The following AGMO variants were observed in gnomAD, a reference collection of about 807,000 sequenced individuals.
AGMO encodes glyceryl-ether monooxygenase.
In AGMO, 75 loss-of-function variants were observed where a neutral mutation model predicts 60.2. The observed-to-expected ratio is 1.25, with a 90% CI of 1.03 to 1.51. The LOEUF (loss-of-function observed/expected upper bound fraction) is 1.51. Among genes scored for constraint, AGMO ranks in the 40% most tolerant of loss-of-function variants. The pLI, the probability that AGMO is intolerant of heterozygous loss-of-function variation, is 0.00. For missense variants in AGMO, 763 were observed against 525.5 expected (o/e 1.45, Z -4.42); for synonymous variants, 261 against 177.1 (o/e 1.47, Z -3.76).
intron 12 of AGMO, among the ~76,000 whole-genome samples, chr7:15,248,195 T>TATATATATATATATATAC (rs1782814164): frequency 2.6e-5 from 2 of 76,694 alleles, no homozygotes; most frequent in African/African-American, 6.2e-5. Flanking sequence ...TATATATATA[T>TATATATATATATATATAC]ATATATATAT....
intron 3 of AGMO, among the ~76,000 whole-genome samples, chr7:15,488,883 A>C (rs562249867): frequency 6.7e-6 from 1 of 148,404 alleles, no homozygotes; most frequent in African/African-American, 2.4e-5. Context: ...GTTATGCTAA[A>C]ATGAACAGAA....
chr7:15,293,058 C>T (rs772741136), intron 12 of AGMO, among the ~76,000 whole-genome samples: 1 of 152,042 alleles, frequency 6.6e-6, no homozygotes, highest in Non-Finnish European at 1.5e-5. Flanking sequence ...CCACTGCATC[C>T]GGCTCTTCCT....
intron 12 of AGMO, among the ~76,000 whole-genome samples, chr7:15,283,375 A>G (rs1220561585): frequency 6.6e-6 from 1 of 152,084 alleles, no homozygotes; most frequent in Non-Finnish European, 1.5e-5. Context: ...AACTCAAGAT[A>G]AACAGCTGGA....
intron 12 of AGMO, among the ~76,000 whole-genome samples, chr7:15,334,007 GGAA>G (rs1781576019): frequency 6.6e-6 from 1 of 152,080 alleles, no homozygotes; most frequent in Non-Finnish European, 1.5e-5. Context: ...ATTCAACAAT[GGAA>G]GAAGTTTATT....
the AGMO span, among the ~76,000 whole-genome samples, chr7:15,190,074 C>CAT: frequency 6.3e-3 from 23 of 3,648 alleles, 1 homozygote; most frequent in African/African-American, 0.017. Flanking sequence ...TTTTAAGTGC[C>CAT]ATATATATAT....
chr7:15,198,253 G>GAGAGAC (rs1781184227), downstream of AGMO, among the ~76,000 whole-genome samples: 2 of 63,452 alleles, frequency 3.2e-5, no homozygotes, highest in South Asian at 1.1e-3. Flanking sequence ...GAGAGAGAGA[G>GAGAGAC]AGACAGAGAC....
the AGMO span, among the ~76,000 whole-genome samples, chr7:15,156,093 G>T: frequency 6.6e-6 from 1 of 152,160 alleles, no homozygotes; most frequent in East Asian, 1.9e-4. Context: ...GGGGTGGGGG[G>T]TCCTTGTACA....
At chr7:15,316,997 A>G (rs1398659279) in intron 12 of AGMO, among the ~76,000 whole-genome samples, 1 of 152,216 alleles carries the variant, frequency 6.6e-6, no homozygotes, top group Non-Finnish European at 1.5e-5. Context: ...AAGCAAAAGG[A>G]AATGCATCAA....
chr7:15,531,573 C>T (rs10229273), intron 3 of AGMO, among the ~76,000 whole-genome samples: 13,571 of 37,430 alleles, frequency 0.36, 4,231 homozygotes, highest in East Asian at 0.65. Flanking sequence ...CTATATATTC[C>T]ATATATATAT....
chr7:15,394,291 G>C, intron 5 of AGMO, 112 bp from the exon 6 acceptor site: 1 of 841,868 alleles, frequency 1.2e-6, no homozygotes, highest in Admixed American at 2.3e-5. Flanking sequence ...CGAATTTCAG[G>C]GTTGGTATCA....
At chr7:15,311,477 G>A (rs113300506) in intron 12 of AGMO, among the ~76,000 whole-genome samples, 202 of 151,634 alleles carry the variant, frequency 1.3e-3, no homozygotes, top group Non-Finnish European at 2.5e-3. Flanking sequence ...GGCCTGAGCA[G>A]AGGTAGTAAA....
intron 3 of AGMO, among the ~76,000 whole-genome samples, chr7:15,456,396 C>T (rs1173328726): frequency 6.6e-6 from 1 of 152,070 alleles, no homozygotes; most frequent in Non-Finnish European, 1.5e-5. Flanking sequence ...CTTTGAGTCT[C>T]TACACATCAG....
At chr7:15,305,070 A>G (rs73062586) in intron 12 of AGMO, among the ~76,000 whole-genome samples, 14,133 of 151,894 alleles carry the variant, frequency 0.093, 941 homozygotes, top group Non-Finnish European at 0.13. Context: ...ATATATAAAT[A>G]AAAGTGTTAC....
chr7:15,385,621 T>C (rs1041530090), intron 9 of AGMO, 59 bp from the exon 10 acceptor site: 3 of 943,588 alleles, frequency 3.2e-6, no homozygotes, highest in Non-Finnish European at 5.1e-6. Context: ...CTTACTGAAA[T>C]TCACACTAAG....
chr7:15,135,554 T>C, the AGMO span, among the ~76,000 whole-genome samples: 1 of 152,224 alleles, frequency 6.6e-6, no homozygotes, highest in Non-Finnish European at 1.5e-5. Flanking sequence ...TTAAATCACA[T>C]AATACTGCTG....
At chr7:15,217,570 T>A (rs560352761) in intron 12 of AGMO, among the ~76,000 whole-genome samples, 3 of 152,040 alleles carry the variant, frequency 2.0e-5, no homozygotes, top group Middle Eastern at 6.8e-3. Context: ...TAAAAATAAA[T>A]AGCAGGTAAA....
chr7:15,500,585 A>T (rs965740842), intron 3 of AGMO, among the ~76,000 whole-genome samples: 8 of 151,872 alleles, frequency 5.3e-5, no homozygotes, highest in African/African-American at 1.9e-4. Flanking sequence ...CTCTTTACCA[A>T]TTTCCCAGGA....
chr7:15,192,448 T>A, the AGMO span, among the ~76,000 whole-genome samples: 1 of 152,076 alleles, frequency 6.6e-6, no homozygotes, highest in Middle Eastern at 3.4e-3. Context: ...GGGAAGGTCA[T>A]CTTCCCACTC....
chr7:15,310,537 A>C (rs1780740419), intron 12 of AGMO, among the ~76,000 whole-genome samples: 1 of 152,120 alleles, frequency 6.6e-6, no homozygotes, highest in Non-Finnish European at 1.5e-5. Flanking sequence ...TTCCTATATC[A>C]TGTTATTATA....
Sources: gnomAD v4.1 joint callset for allele counts (sites outside exome capture counted in the v4.1 genomes callset) on GRCh38, gnomAD v4.1.1 for gene constraint, MANE v1.5 for transcripts, NCBI Gene and HGNC (gene_info 2026-07-23, HGNC 2026-07-21) for gene names.